The following SHANK2 variants were observed in gnomAD, a reference collection of about 807,000 sequenced individuals.
The protein encoded by SHANK2 is SH3 and multiple ankyrin repeat domains 2.
Under a neutral mutation model 133.7 loss-of-function variants are expected in SHANK2, and 43 were observed. That is an observed-to-expected ratio of 0.32 (90% CI 0.25 to 0.41). The LOEUF (loss-of-function observed/expected upper bound fraction) is 0.41. SHANK2 is among the 10% of genes least tolerant of loss of function. The pLI is 1.00. For synonymous variants in SHANK2, 1,017 were observed against 952.8 expected (o/e 1.07, Z -1.24); for missense variants, 1,994 against 2,235.8 (o/e 0.89, Z 2.18).
At chr11:71,125,888 T>C (rs1399899486) in intron 3 of SHANK2, among the ~76,000 whole-genome samples, 1 of 152,174 alleles carries the variant, frequency 6.6e-6, no homozygotes, top group East Asian at 1.9e-4. Context: ...CCTATGCTAA[T>C]ATATCATTCA....
intron 11 of SHANK2, among the ~76,000 whole-genome samples, chr11:70,876,472 A>G (rs1949566759): frequency 6.6e-6 from 1 of 151,520 alleles, no homozygotes; most frequent in Non-Finnish European, 1.5e-5. Flanking sequence ...AGGCAGGAAG[A>G]TGGCATGAAC....
chr11:70,600,479 A>G lies in SHANK2; in HGVS notation c.2061+59349T>C, dbSNP rs375416071. 1.0e-3 allele frequency among the ~76,000 whole-genome samples: 157 copies of G among 152,122 alleles called. 2 individuals carry two copies. The South Asian group carries it at 0.031, about 30-fold the overall frequency. On this transcript the variant is annotated intron_variant, in intron 17 of 25. Transcript: ENST00000601538. ...AGAAAAAAAGAAGAAAAAGAAAGAAAATGCATATGGAAATGTAAAGAGCCA... is the reference window on the plus strand; with the variant it reads ...AGAAAAAAAGAAGAAAAAGAAAGAAGATGCATATGGAAATGTAAAGAGCCA...
At chr11:71,141,782 A>G (rs1555105854) in intron 3 of SHANK2, among the ~76,000 whole-genome samples, 1 of 152,132 alleles carries the variant, frequency 6.6e-6, no homozygotes, top group Non-Finnish European at 1.5e-5. Flanking sequence ...CAGATGGCCA[A>G]ATCTAACTTC....
chr11:70,609,657 A>C (rs889387730), intron 17 of SHANK2, among the ~76,000 whole-genome samples: 9 of 151,784 alleles, frequency 5.9e-5, no homozygotes, highest in African/African-American at 1.7e-4. Flanking sequence ...TATATTGTAT[A>C]TTGTATATAC....
At chr11:71,100,080 C>T (rs974542038) in intron 6 of SHANK2, among the ~76,000 whole-genome samples, 1 of 150,724 alleles carries the variant, frequency 6.6e-6, no homozygotes, top group Non-Finnish European at 1.5e-5. Context: ...TCAACACAAT[C>T]GTCAGAATGA....
chr11:70,695,348 A>C (rs1945370747), intron 15 of SHANK2, among the ~76,000 whole-genome samples: 1 of 147,484 alleles, frequency 6.8e-6, no homozygotes, highest in Non-Finnish European at 1.5e-5. Flanking sequence ...AGTAAGAAAA[A>C]ATGGGGGGGT....
chr11:70,663,202 G>C (rs1407676444), intron 15 of SHANK2, among the ~76,000 whole-genome samples: 1 of 152,200 alleles, frequency 6.6e-6, no homozygotes, highest in Admixed American at 6.5e-5. Context: ...ATGTGCTGAC[G>C]GACTCTTGGT....
intron 10 of SHANK2, chr11:70,907,704 G>A (rs1298477432): frequency 3.8e-6 from 1 of 262,108 alleles, no homozygotes. Flanking sequence ...TAGCAGATAA[G>A]CAGGGGAAAT....
At chr11:70,835,918 GT>G (rs782614813) in intron 11 of SHANK2, among the ~76,000 whole-genome samples, 2 of 152,160 alleles carry the variant, frequency 1.3e-5, no homozygotes, top group Non-Finnish European at 2.9e-5. Context: ...TCGGACCTCA[GT>G]GGAGGCTGGG....
At chr11:71,090,954 A>G (rs1951508165) in intron 8 of SHANK2, among the ~76,000 whole-genome samples, 1 of 151,062 alleles carries the variant, frequency 6.6e-6, no homozygotes, top group Non-Finnish European at 1.5e-5. Context: ...ATGGAGGGTC[A>G]TCGGCTTAAC....
chr11:71,141,606 T>G (rs375723033), intron 3 of SHANK2, among the ~76,000 whole-genome samples: 1 of 152,130 alleles, frequency 6.6e-6, no homozygotes, highest in Non-Finnish European at 1.5e-5. Flanking sequence ...GTGAGTCTAT[T>G]AAACCTGTTT....
At chr11:71,195,289 G>T (rs1051162388) in intron 2 of SHANK2, among the ~76,000 whole-genome samples, 2 of 152,158 alleles carry the variant, frequency 1.3e-5, no homozygotes, top group Non-Finnish European at 2.9e-5. Flanking sequence ...CTACTCGGGA[G>T]GCTAAGGCAG....
chr11:70,563,456 G>A (rs1356512101), intron 17 of SHANK2, among the ~76,000 whole-genome samples: 2 of 151,452 alleles, frequency 1.3e-5, no homozygotes, highest in South Asian at 2.1e-4. Context: ...GTTATCTTTC[G>A]AAAGAATTAA....
intron 10 of SHANK2, among the ~76,000 whole-genome samples, chr11:70,908,620 C>T (rs1555078433): frequency 6.6e-6 from 1 of 152,186 alleles, no homozygotes; most frequent in African/African-American, 2.4e-5. Flanking sequence ...GAAGGCTGCA[C>T]AGCAACCTGG....
At chr11:70,680,235 T>C (rs1232960017) in intron 15 of SHANK2, among the ~76,000 whole-genome samples, 3 of 152,176 alleles carry the variant, frequency 2.0e-5, no homozygotes, top group East Asian at 1.9e-4. Context: ...AGTCTATGCA[T>C]TGAATGCTTG....
At chr11:71,126,412 T>G (rs1323588702) in intron 3 of SHANK2, among the ~76,000 whole-genome samples, 2 of 152,136 alleles carry the variant, frequency 1.3e-5, no homozygotes, top group Non-Finnish European at 2.9e-5. Flanking sequence ...ACAATGTACC[T>G]GGTCACTCAA....
At chr11:70,649,092 C>A (rs1345531351) in intron 17 of SHANK2, among the ~76,000 whole-genome samples, 3 of 152,196 alleles carry the variant, frequency 2.0e-5, no homozygotes, top group Non-Finnish European at 4.4e-5. Context: ...ACGTTCATCT[C>A]CTCACTGGCC....
At chr11:70,631,779 A>C (rs1464123886) in intron 17 of SHANK2, 1 of 152,320 alleles carries the variant, frequency 6.6e-6, no homozygotes, top group Non-Finnish European at 1.5e-5. Context: ...CTCTCCAGGC[A>C]GTGTTCTCCC....
chr11:70,587,668 T>C (rs2060271482), intron 17 of SHANK2, among the ~76,000 whole-genome samples: 1 of 151,896 alleles, frequency 6.6e-6, no homozygotes, highest in African/African-American at 2.4e-5. Context: ...AAACTGAAGG[T>C]TTATGGCAAC....
Sources: allele counts gnomAD v4.1 joint callset (sites outside exome capture counted in the v4.1 genomes callset), GRCh38; gene constraint gnomAD v4.1.1; transcripts MANE v1.5; gene names NCBI Gene and HGNC (gene_info 2026-07-23, HGNC 2026-07-21).